BCAS3: variants seen among roughly 807,000 people sequenced by gnomAD.
BCAS3 encodes BCAS3 microtubule associated cell migration factor.
BCAS3 carries 53 observed loss-of-function variants against 116.1 expected under a neutral mutation model. The observed-to-expected ratio is 0.46, with a 90% CI of 0.37 to 0.57. The LOEUF is 0.57. Ranked by LOEUF, BCAS3 falls within the 20% of genes least tolerant of loss-of-function variation. The probability of loss-of-function intolerance (pLI) is 0.00; values close to 1 mark genes in which losing one functional copy is unlikely to be tolerated. For synonymous variants in BCAS3, 391 were observed against 408.2 expected, an observed-to-expected ratio of 0.96 and a Z score of 0.51; for missense variants, 917 against 1,165.4, an observed-to-expected ratio of 0.79 and a Z score of 3.10.
intron 22 of BCAS3, among the ~76,000 whole-genome samples, chr17:61,359,666 T>C (rs940365589): frequency 7.9e-5 from 12 of 152,216 alleles, no homozygotes; most frequent in African/African-American, 2.9e-4. Context: ...AATTTTTGTA[T>C]TTTTAATAGC....
At chr17:60,743,112 CAA>C (rs528323733) in intron 5 of BCAS3, among the ~76,000 whole-genome samples, 16 of 68,004 alleles carry the variant, frequency 2.4e-4, no homozygotes, top group Admixed American at 8.1e-4. Context: ...GACTCCTTCT[CAA>C]AAAAAAAAAA....
chr17:61,337,919 A>G lies in BCAS3; in HGVS notation c.2426-30408A>G, dbSNP rs1051850975. 6.6e-5 allele frequency among the ~76,000 whole-genome samples: 10 copies of G among 152,206 alleles called. No homozygotes were observed. Among genetic ancestry groups the G allele is most frequent in the Admixed American group, 5.9e-4 (9 of 15,274 alleles). Reference sequence around the variant, plus strand: ...TGAGGAAACCAAGGCTCGGTGAGGTAAAGCGCTTCATCCAGTACCCCACAG... The same window carrying G: ...TGAGGAAACCAAGGCTCGGTGAGGTGAAGCGCTTCATCCAGTACCCCACAG... On this transcript the variant is annotated intron_variant, in intron 22 of 23. Transcript: ENST00000407086. This position sits in a 1 kb window ranked among gnomAD's most constrained non-coding sequence, Gnocchi z 4.8.
At chr17:61,311,024 A>G (rs2054264688) in intron 22 of BCAS3, among the ~76,000 whole-genome samples, 1 of 152,148 alleles carries the variant, frequency 6.6e-6, no homozygotes, top group Non-Finnish European at 1.5e-5. Context: ...CGGTTTTTTC[A>G]TGTGTAAAAT....
In BCAS3 at chr17:61,380,421, G is replaced by A. The variant is rs1405525189; in HGVS notation, c.2594-11556G>A. On this transcript the variant is annotated intron_variant, in intron 23 of 23. Transcript: ENST00000407086. The surrounding 1 kb of genome is among the most constrained non-coding windows in gnomAD (Gnocchi z 4.2). The stretch of plus-strand genomic sequence containing the variant: ...AGTGGTCAAACCAGATTTGGGTATC[G>A]ACTCACTTTGATCTCAGCTCTTCCT... 6.1e-6 allele frequency: 8 copies of A among 1,312,686 alleles called. No homozygotes were observed. The highest frequency in any genetic ancestry group is 4.9e-5 in the East Asian group (2 of 41,178). The allele number at this position is 1,312,686 out of a possible 1,614,324, so 81.3% of individuals were successfully genotyped here. A position where few individuals can be genotyped will look rare whatever the true frequency, so the allele number is the denominator to read the frequency against.
intron 3 of BCAS3, chr17:60,689,176 G>A (rs908305766): frequency 6.6e-6 from 1 of 152,240 alleles, no homozygotes; most frequent in East Asian, 1.9e-4. Flanking sequence ...GGTTTCTGCA[G>A]TTCTTTTTTT....
rs534666787 is a variant in BCAS3 at position 61,130,315 on chromosome 17, CAATT to C, written c.2425+45757_2425+45760del. Among the ~76,000 whole-genome samples, 63 of 152,276 alleles carry C rather than the reference CAATT, an allele frequency of 4.1e-4. No homozygotes were observed. Among genetic ancestry groups the C allele is most frequent in the African/African-American group, 1.4e-3 (59 of 41,550 alleles). Reference sequence around the variant, plus strand: ...CATAGAAACTGGCAAAATATCTTCCCAATTAATTATGAGAAATTCATCTGTACAA... The same window carrying C: ...CATAGAAACTGGCAAAATATCTTCCCAATTATGAGAAATTCATCTGTACAA... On this transcript the variant is annotated intron_variant, in intron 22 of 23. Coordinates refer to ENST00000407086, the MANE Select transcript of BCAS3 (RefSeq NM_017679.5). This position sits in a 1 kb window ranked among gnomAD's most constrained non-coding sequence, Gnocchi z 5.0.
rs979607491 is a variant in BCAS3, at chr17:61,180,431, G to A, written c.2425+95867G>A. The stretch of plus-strand genomic sequence containing the variant: ...GTACTGTTAAACTGGGAGCCACTGG[G>A]TAGAAATAATTTGGCTAAAATTCTG... On this transcript the variant is annotated intron_variant, in intron 22 of 23. Coordinates refer to ENST00000407086, the MANE Select transcript of BCAS3 (RefSeq NM_017679.5). The surrounding 1 kb of genome is among the most constrained non-coding windows in gnomAD (Gnocchi z 6.0). Among the ~76,000 whole-genome samples, 2 of 152,228 alleles carry A rather than the reference G, an allele frequency of 1.3e-5. No homozygotes were observed. Among genetic ancestry groups the A allele is most frequent in the African/African-American group, 4.8e-5 (2 of 41,458 alleles).
In BCAS3 at chr17:60,924,514, CTGTCTTT is replaced by C; in HGVS notation, c.1087+16_1087+22del. On this transcript the variant is annotated intron_variant, in intron 13 of 23. Coordinates refer to ENST00000407086, the MANE Select transcript of BCAS3 (RefSeq NM_017679.5). ...TTAATACAAGTGGTAAGTTCGCTCT[CTGTCTTT>C]TTTTTTTTTTTTTTTGTAGACCATT... The C allele has an allele frequency of 7.1e-7, 1 of 1,406,862 alleles. No individual in the cohort carries two copies. 87.1% of individuals were successfully genotyped at this position (1,406,862 alleles called of 1,614,324 possible). A position where few individuals can be genotyped will look rare whatever the true frequency, so the allele number is the denominator to read the frequency against.
chr17:61,120,156 C>T (rs149117598), intron 22 of BCAS3, among the ~76,000 whole-genome samples: 2 of 152,136 alleles, frequency 1.3e-5, no homozygotes, highest in East Asian at 3.9e-4. Context: ...TGAAAGTATA[C>T]AGGCAAGAAT....
rs557652821 is a variant in BCAS3, at chr17:60,965,696, G to A, written c.1221+18344G>A. 3.7e-4 allele frequency among the ~76,000 whole-genome samples: 56 copies of A among 152,120 alleles called. 3 individuals carry two copies. In the South Asian group the frequency reaches 0.012, roughly 32 times the overall value. Reference sequence around the variant, plus strand: ...TAAGTTCTAGTTTTAGTCCATTGTGGCCAGAAAAGATATTTGATATGATTT... The same window carrying A: ...TAAGTTCTAGTTTTAGTCCATTGTGACCAGAAAAGATATTTGATATGATTT... On this transcript the variant is annotated intron_variant, in intron 14 of 23. Transcript: ENST00000407086.
At chr17:60,945,846 CATGGTGACTCATGCCT>C (rs897207418) in intron 13 of BCAS3, among the ~76,000 whole-genome samples, 2 of 151,642 alleles carry the variant, frequency 1.3e-5, no homozygotes, top group African/African-American at 4.8e-5. Context: ...AAATGCCAGG[CATGGTGACTCATGCCT>C]GTAATCCCAG....
chr17:60,902,511 C>T, intron 10 of BCAS3, 109 bp from the exon 11 acceptor site: 1 of 860,078 alleles, frequency 1.2e-6, no homozygotes, highest in Admixed American at 2.0e-5. Context: ...CAAACATTCC[C>T]ACCCATCACC....
chr17:61,388,336 T>C lies in BCAS3; in HGVS notation c.2594-3641T>C, dbSNP rs2079742. The stretch of plus-strand genomic sequence containing the variant: ...CCAGCCCTCCCACTTCCTAAAACTG[T>C]TCTTCATGTTGAACCTGTGACTCCT... On this transcript the variant is annotated intron_variant, in intron 23 of 23. Coordinates refer to ENST00000407086, the MANE Select transcript of BCAS3 (RefSeq NM_017679.5). The surrounding 1 kb of genome is among the most constrained non-coding windows in gnomAD (Gnocchi z 6.5). 0.2 allele frequency: 78,987 copies of C among 388,468 alleles called. 10,691 individuals are homozygous for C. The highest frequency in any genetic ancestry group is 0.49 in the East Asian group (9,699 of 19,616). The allele number at this position is 388,468 out of a possible 1,614,324, so 24.1% of individuals were successfully genotyped here. A position where few individuals can be genotyped will look rare whatever the true frequency, so the allele number is the denominator to read the frequency against.
intron 6 of BCAS3, among the ~76,000 whole-genome samples, chr17:60,776,591 C>T (rs1335857293): frequency 1.3e-5 from 2 of 151,776 alleles, no homozygotes; most frequent in African/African-American, 2.4e-5. Context: ...TGGTGGCGTG[C>T]ACCTGTAATC....
At chr17:60,829,547 G>T (rs1266565358) in intron 7 of BCAS3, among the ~76,000 whole-genome samples, 1 of 151,918 alleles carries the variant, frequency 6.6e-6, no homozygotes. Flanking sequence ...CAGGACAGTG[G>T]TGTTTGTTGT....
intron 13 of BCAS3, among the ~76,000 whole-genome samples, chr17:60,939,850 A>T (rs2060131120): frequency 6.6e-6 from 1 of 152,232 alleles, no homozygotes. Context: ...CATTCTGGCA[A>T]TGGACAAATA....
chr17:60,690,122 G>GT (rs1182226199), intron 4 of BCAS3, among the ~76,000 whole-genome samples: 5 of 152,082 alleles, frequency 3.3e-5, no homozygotes, highest in African/African-American at 7.2e-5. Flanking sequence ...CTTGAAAATT[G>GT]TTTTTTTCTG....
chr17:60,725,733 T>C (rs2039758294), intron 5 of BCAS3, among the ~76,000 whole-genome samples: 1 of 152,158 alleles, frequency 6.6e-6, no homozygotes, highest in Non-Finnish European at 1.5e-5. Flanking sequence ...ACATCAGTAG[T>C]GCTGAGGTTG....
chr17:61,067,081 A>G (rs1176118124), intron 19 of BCAS3, among the ~76,000 whole-genome samples: 2 of 151,202 alleles, frequency 1.3e-5, no homozygotes, highest in East Asian at 3.9e-4. Flanking sequence ...TTACACATTG[A>G]TTCTTGTATT....
Sources: allele counts gnomAD v4.1 joint callset (sites outside exome capture counted in the v4.1 genomes callset), GRCh38; gene constraint gnomAD v4.1.1; non-coding constraint Gnocchi (gnomAD v3.1); transcripts MANE v1.5; gene names NCBI Gene and HGNC (gene_info 2026-07-23, HGNC 2026-07-21).